Variants in SUSD1 observed in about 807,000 individuals in gnomAD.
The protein encoded by SUSD1 is sushi domain-containing protein 1.
A neutral mutation model predicts 86.9 loss-of-function variants in SUSD1; 65 were observed. That is an observed-to-expected ratio of 0.75 (90% confidence interval 0.61 to 0.92). SUSD1 has a LOEUF of 0.92. Among genes scored for constraint, SUSD1 ranks in the 40% least tolerant of loss-of-function variants. The probability of loss-of-function intolerance (pLI) is 0.00; values close to 1 mark genes in which losing one functional copy is unlikely to be tolerated. For missense variants in SUSD1, 850 were observed against 929.7 expected (o/e 0.91, Z 1.11); for synonymous variants, 346 against 350.0 (o/e 0.99, Z 0.13).
At chr9:112,102,471 C>T (rs1414161127) in intron 8 of SUSD1, among the ~76,000 whole-genome samples, 186 bp from the exon 9 acceptor site, 1 of 152,170 alleles carries the variant, frequency 6.6e-6, no homozygotes, top group African/African-American at 2.4e-5. Context: ...ATTGTAATTA[C>T]CTTAGCTAAG....
At chr9:112,045,515 C>T (rs1008304001) in intron 15 of SUSD1, among the ~76,000 whole-genome samples, 4 of 84,570 alleles carry the variant, frequency 4.7e-5, no homozygotes, top group East Asian at 4.6e-4. Flanking sequence ...TGTTATTATG[C>T]GTGCCATATT....
At chr9:112,063,063 G>A in intron 12 of SUSD1, 30 bp from the exon 13 acceptor site, 1 of 1,414,384 alleles carries the variant, frequency 7.1e-7, no homozygotes, top group Non-Finnish European at 1.0e-6. Flanking sequence ...AAGAAAAGGG[G>A]TATGATTGGA....
intron 10 of SUSD1, among the ~76,000 whole-genome samples, chr9:112,091,102 A>G (rs1830187693): frequency 6.6e-6 from 1 of 152,256 alleles, no homozygotes; most frequent in Non-Finnish European, 1.5e-5. Flanking sequence ...TGGCACATTC[A>G]GATGATTGTA....
At chr9:112,171,883 T>C (rs1414730818) in intron 1 of SUSD1, among the ~76,000 whole-genome samples, 1 of 152,156 alleles carries the variant, frequency 6.6e-6, no homozygotes, top group African/African-American at 2.4e-5. Flanking sequence ...TTCGTTTTCC[T>C]TCTAATTTCT....
intron 1 of SUSD1, among the ~76,000 whole-genome samples, chr9:112,174,405 G>A (rs1020033794): frequency 5.9e-5 from 9 of 152,092 alleles, no homozygotes; most frequent in African/African-American, 1.9e-4. Flanking sequence ...TCCCCTGCGT[G>A]TCTGAATCCT....
In SUSD1 at chr9:112,098,436, C is replaced by T. The variant is rs746887548; in HGVS notation, c.1474+34G>A. 2.5e-6 allele frequency: 4 copies of T among 1,605,650 alleles called. No homozygotes were observed. In the East Asian group the frequency reaches 8.9e-5, roughly 36 times the overall value. On this transcript the variant is annotated intron_variant, in intron 10 of 16. Coordinates refer to ENST00000374270, the MANE Select transcript of SUSD1 (RefSeq NM_022486.5). ...GCTCAATTCACATAGGTAATTTGTC[C>T]TGAGGCACAAAAAAGAAAGACGTCT... is the stretch of plus-strand genomic sequence containing the variant.
chr9:112,155,234 G>T (rs189204962), intron 2 of SUSD1, among the ~76,000 whole-genome samples: 1 of 151,366 alleles, frequency 6.6e-6, no homozygotes, highest in African/African-American at 2.4e-5. Flanking sequence ...CTGGGTGACC[G>T]AGGGAGACGC....
chr9:112,101,694 A>T (rs1461199796), intron 9 of SUSD1, among the ~76,000 whole-genome samples: 1 of 150,972 alleles, frequency 6.6e-6, no homozygotes, highest in Non-Finnish European at 1.5e-5. Context: ...AAAAATACAA[A>T]ATTAGCTGGG....
intron 14 of SUSD1, among the ~76,000 whole-genome samples, chr9:112,055,147 T>C (rs906145024): frequency 6.6e-6 from 1 of 152,186 alleles, no homozygotes; most frequent in South Asian, 2.1e-4. Flanking sequence ...CATCTCATGC[T>C]GGGAGTGGTG....
chr9:112,144,563 CAG>C (rs1404933475), intron 3 of SUSD1, among the ~76,000 whole-genome samples: 1 of 152,028 alleles, frequency 6.6e-6, no homozygotes, highest in African/African-American at 2.4e-5. Context: ...TGCTTGAGTC[CAG>C]GAGTTTGAGA....
chr9:112,169,520 C>T (rs1346619575), intron 1 of SUSD1: 2 of 152,236 alleles, frequency 1.3e-5, no homozygotes, highest in Non-Finnish European at 2.9e-5. Context: ...GCAGTGGGGC[C>T]CCCACACCTG....
chr9:112,154,351 A>AG (rs548136467), intron 2 of SUSD1, among the ~76,000 whole-genome samples: 1,579 of 141,708 alleles, frequency 0.011, 31 homozygotes, highest in Non-Finnish European at 0.012. Flanking sequence ...AAAAAAAAAA[A>AG]AGAGAGAGAA....
chr9:112,068,066 G>A (rs1270887273), intron 12 of SUSD1, among the ~76,000 whole-genome samples: 2 of 152,178 alleles, frequency 1.3e-5, no homozygotes, highest in Non-Finnish European at 2.9e-5. Context: ...TCTGTGCTAG[G>A]CTGGGGGAGA....
chr9:112,058,048 T>G (rs1589587536), intron 14 of SUSD1, among the ~76,000 whole-genome samples: 2 of 152,214 alleles, frequency 1.3e-5, no homozygotes, highest in African/African-American at 4.8e-5. Context: ...AGTGCTGTGC[T>G]TAATCTTCGG....
chr9:112,153,464 C>G (rs1195941610), intron 2 of SUSD1, among the ~76,000 whole-genome samples: 1 of 152,018 alleles, frequency 6.6e-6, no homozygotes, highest in Non-Finnish European at 1.5e-5. Context: ...TGCAATACAT[C>G]CTGAAAGACC....
At chr9:112,157,309 TC>T (rs1833369914) in intron 2 of SUSD1, among the ~76,000 whole-genome samples, 190 bp downstream of exon 2, 1 of 152,210 alleles carries the variant, frequency 6.6e-6, no homozygotes, top group African/African-American at 2.4e-5. Flanking sequence ...AGGAATACTA[TC>T]TTGGAAACAC....
chr9:112,059,731 G>A (rs1470722252), intron 13 of SUSD1, among the ~76,000 whole-genome samples: 1 of 152,162 alleles, frequency 6.6e-6, no homozygotes, highest in East Asian at 1.9e-4. Context: ...CAAATAGAAA[G>A]CCTGGCAGTG....
chr9:112,044,781 C>A (rs1827883894), intron 15 of SUSD1, among the ~76,000 whole-genome samples: 1 of 152,074 alleles, frequency 6.6e-6, no homozygotes, highest in African/African-American at 2.4e-5. Context: ...AACACAGAAA[C>A]CTTAAGAGAA....
chr9:112,082,232 C>T (rs958763888), intron 10 of SUSD1, among the ~76,000 whole-genome samples: 2 of 152,136 alleles, frequency 1.3e-5, no homozygotes, highest in African/African-American at 4.8e-5. Context: ...AGAAAGGCAA[C>T]ATACAAAAAC....
Sources: allele counts gnomAD v4.1 joint callset (sites outside exome capture counted in the v4.1 genomes callset), GRCh38; gene constraint gnomAD v4.1.1; transcripts MANE v1.5; gene names NCBI Gene and HGNC (gene_info 2026-07-23, HGNC 2026-07-21).